Variants in DBT observed in about 807,000 individuals in gnomAD.
DBT encodes the protein dihydrolipoamide branched chain transacylase E2.
Under a neutral mutation model 51.3 loss-of-function variants are expected in DBT, and 40 were observed. That is an observed-to-expected ratio of 0.78 (90% CI 0.61 to 1.02). DBT has a LOEUF of 1.02. Among genes scored for constraint, DBT ranks in the 50% least tolerant of loss-of-function variants. DBT has a pLI of 0.00. For synonymous variants in DBT, 181 were observed against 190.4 expected (o/e 0.95, Z 0.41); for missense variants, 510 against 580.2 (o/e 0.88, Z 1.24).
At chr1:100,223,979 T>C (rs1475849034) in intron 4 of DBT, among the ~76,000 whole-genome samples, 1 of 152,192 alleles carries the variant, frequency 6.6e-6, no homozygotes, top group Non-Finnish European at 1.5e-5. Flanking sequence ...GTCAAAGGAC[T>C]CATAGATAGG....
At chr1:100,210,997 A>AT in intron 7 of DBT, 2 of 810,972 alleles carry the variant, frequency 2.5e-6, no homozygotes, top group Non-Finnish European at 4.2e-6. Flanking sequence ...GTAGTCAGGT[A>AT]GCTTGTAAAC....
intron 8 of DBT, among the ~76,000 whole-genome samples, chr1:100,207,595 A>T (rs1661865703): frequency 6.6e-6 from 1 of 152,004 alleles, no homozygotes; most frequent in Non-Finnish European, 1.5e-5. Context: ...ACTGACACAG[A>T]AGGATTGCTT....
intron 8 of DBT, among the ~76,000 whole-genome samples, chr1:100,209,385 C>T (rs900275404): frequency 6.6e-6 from 1 of 151,930 alleles, no homozygotes; most frequent in Non-Finnish European, 1.5e-5. Context: ...CAGGCAGGAG[C>T]CACCACACCC....
intron 4 of DBT, among the ~76,000 whole-genome samples, chr1:100,226,638 C>T (rs181952977): frequency 1.3e-4 from 20 of 152,198 alleles, no homozygotes; most frequent in African/African-American, 3.4e-4. Flanking sequence ...GCACCCCTAA[C>T]GCCCAGATTA....
At chr1:100,245,069 G>A (rs1664463494) in intron 1 of DBT, among the ~76,000 whole-genome samples, 1 of 151,966 alleles carries the variant, frequency 6.6e-6, no homozygotes, top group South Asian at 2.1e-4. Context: ...ACAGGAAAGA[G>A]GAGAAGAAAT....
At chr1:100,230,641 A>C in intron 4 of DBT, 92 bp downstream of exon 4, 2 of 813,040 alleles carry the variant, frequency 2.5e-6, no homozygotes, top group Non-Finnish European at 3.9e-6. Context: ...AAAAAAAAAA[A>C]CAAAAAAACA....
Position 100,194,339 on chromosome 1 carries a change from T to G in DBT, c.*1916A>C, listed in dbSNP as rs1200905829. The G allele has an allele frequency of 4.3e-5, 6 of 138,558 alleles. No homozygotes were observed. The highest frequency in any genetic ancestry group is 2.0e-4 in the East Asian group (1 of 4,900). 8.6% of individuals were successfully genotyped at this position (138,558 alleles called of 1,614,324 possible). ...CACACCACCACACTTGGCTTTTTGG[T>G]TTTTTTTTTTTTTTCTGAGACAAAG... On this transcript the variant is annotated 3_prime_UTR_variant, in exon 11 of 11. Coordinates refer to ENST00000370132, the MANE Select transcript of DBT (RefSeq NM_001918.5).
chr1:100,225,627 C>G (rs1663150329), intron 4 of DBT, among the ~76,000 whole-genome samples: 1 of 151,952 alleles, frequency 6.6e-6, no homozygotes, highest in Admixed American at 6.6e-5. Context: ...AAGTTCAAGA[C>G]CAGCCTGGCC....
At chr1:100,234,492 G>A (rs951900381) in intron 3 of DBT, among the ~76,000 whole-genome samples, 4 of 150,224 alleles carry the variant, frequency 2.7e-5, no homozygotes, top group African/African-American at 4.9e-5. Flanking sequence ...AAAAAAAGTC[G>A]AAAATCTTTA....
chr1:100,220,265 C>G (rs1553231213), intron 4 of DBT, among the ~76,000 whole-genome samples: 1 of 65,220 alleles, frequency 1.5e-5, no homozygotes, highest in African/African-American at 3.6e-5. Flanking sequence ...TATATTTCTG[C>G]AAGCAAAAAA....
In DBT at chr1:100,196,431, G is replaced by GAAAAAATA; in HGVS notation, c.1282-10_1282-9insTATTTTTT. The GAAAAAATA allele has an allele frequency of 1.5e-6, 1 of 647,930 alleles. No individual in the cohort carries two copies. The highest frequency in any genetic ancestry group is 2.1e-6 in the Non-Finnish European group (1 of 466,808). The allele number at this position is 647,930 out of a possible 1,614,324, so 40.1% of individuals were successfully genotyped here. A position where few individuals can be genotyped will look rare whatever the true frequency, so the allele number is the denominator to read the frequency against. On this transcript the variant is annotated splice_polypyrimidine_tract_variant and intron_variant, in intron 10 of 10. Coordinates refer to ENST00000370132, the MANE Select transcript of DBT (RefSeq NM_001918.5). Reference sequence around the variant, plus strand: ...TTAAATCGGGGAATGGCCTAGAAATGAAAAAAAAAAAAAAAAAAAAAAAAA... The same window carrying GAAAAAATA: ...TTAAATCGGGGAATGGCCTAGAAATGAAAAAATAAAAAAAAAAAAAAAAAAAAAAAAAA...
chr1:100,207,482 T>C (rs551923930), intron 8 of DBT, among the ~76,000 whole-genome samples: 5 of 152,240 alleles, frequency 3.3e-5, no homozygotes, highest in African/African-American at 1.2e-4. Context: ...TTTTATAATA[T>C]TTAATCATAT....
chr1:100,248,832 C>G (rs917381365), intron 1 of DBT, among the ~76,000 whole-genome samples: 2 of 152,110 alleles, frequency 1.3e-5, no homozygotes, highest in Non-Finnish European at 2.9e-5. Flanking sequence ...CTCTGACCCC[C>G]AAGTCCACCA....
At position 100,213,780 on chromosome 1, in the gene DBT, G is replaced by GC. The variant is rs1458197908; in HGVS notation, c.939+1036_939+1037insG. 5.4e-6 allele frequency: 8 copies of GC among 1,470,506 alleles called. No homozygotes were observed. The East Asian group carries it at 2.0e-4, about 36-fold the overall frequency. The allele number at this position is 1,470,506 out of a possible 1,614,324, so 91.1% of individuals were successfully genotyped here. ...CTTCAGGACTGTTTTGTAAAGCGAG[G>GC]TGGGACCGATGTGGCACACGCCAGC... On this transcript the variant is annotated intron_variant, in intron 7 of 10. Coordinates refer to ENST00000370132, the MANE Select transcript of DBT (RefSeq NM_001918.5).
At chr1:100,216,234 A>G (rs375891483) in intron 5 of DBT, 35 bp from the exon 6 acceptor site, 27 of 1,431,190 alleles carry the variant, frequency 1.9e-5, no homozygotes, top group Non-Finnish European at 2.7e-5. Context: ...CAAAAATACA[A>G]CTATTTAAAA....
Position 100,210,875 on chromosome 1 carries a change from T to C in DBT, c.940-104A>G, listed in dbSNP as rs1360931011. The C allele has an allele frequency of 2.5e-6, 4 of 1,569,572 alleles. No homozygotes were observed. The East Asian group carries it at 9.1e-5, about 36-fold the overall frequency. ...AAAGGAGGGAGAGAGAGAACTCTTA[T>C]TTATGCTGAGTTTAATTTCAAGTCT... On this transcript the variant is annotated intron_variant, in intron 7 of 10. Transcript: ENST00000370132.
intron 10 of DBT, among the ~76,000 whole-genome samples, chr1:100,199,739 A>G (rs1333748104): frequency 6.6e-6 from 1 of 152,146 alleles, no homozygotes; most frequent in Non-Finnish European, 1.5e-5. Context: ...GGTGCAGCCC[A>G]TGGAGGGCCA....
intron 3 of DBT, among the ~76,000 whole-genome samples, chr1:100,232,807 G>A (rs1193119030): frequency 2.0e-5 from 3 of 152,136 alleles, no homozygotes; most frequent in South Asian, 2.1e-4. Flanking sequence ...ACAGGAATAC[G>A]TATGACAGAA....
chr1:100,218,600 C>T (rs775150557), intron 5 of DBT, 26 bp downstream of exon 5: 12 of 1,613,068 alleles, frequency 7.4e-6, no homozygotes, highest in Non-Finnish European at 1.0e-5. Flanking sequence ...TATACAATCT[C>T]AGACTTAAAT....
Sources: allele counts gnomAD v4.1 joint callset (sites outside exome capture counted in the v4.1 genomes callset), GRCh38; gene constraint gnomAD v4.1.1; transcripts MANE v1.5; gene names NCBI Gene and HGNC (gene_info 2026-07-23, HGNC 2026-07-21).